Variants in ARHGEF28 observed in about 807,000 individuals in gnomAD.
ARHGEF28 encodes 190 kDa guanine nucleotide exchange factor.
In ARHGEF28, 152 loss-of-function variants were observed where a neutral mutation model predicts 206.6. That is an observed-to-expected ratio of 0.74 (90% CI 0.64 to 0.84). The LOEUF is 0.84. Ranked by LOEUF, ARHGEF28 falls within the 40% of genes least tolerant of loss-of-function variation. ARHGEF28 has a pLI of 0.00. For synonymous variants in ARHGEF28, 763 were observed against 776.4 expected (o/e 0.98, Z 0.29); for missense variants, 2,028 against 2,073.2 (o/e 0.98, Z 0.42).
chr5:73,769,214 A>T lies in ARHGEF28; in HGVS notation c.476-4641A>T, dbSNP rs182421993. 2.2e-4 allele frequency among the ~76,000 whole-genome samples: 33 copies of T among 152,058 alleles called. No individual in the cohort carries two copies. The South Asian group carries it at 3.3e-3, about 15-fold the overall frequency. On this transcript the variant is annotated intron_variant, in intron 4 of 35. Coordinates refer to ENST00000513042, the MANE Select transcript of ARHGEF28 (RefSeq NM_001177693.2). ...GTGTATATATATATGTGTGTGTGTGAGAGAGAGAGGCAGAGGGAGACAGAG... is the reference window on the plus strand; with the variant it reads ...GTGTATATATATATGTGTGTGTGTGTGAGAGAGAGGCAGAGGGAGACAGAG...
intron 6 of ARHGEF28, chr5:73,778,113 A>G (rs574309600): frequency 3.3e-5 from 5 of 151,154 alleles, no homozygotes; most frequent in African/African-American, 1.2e-4. Flanking sequence ...GCCTTCAGCC[A>G]TCACTGTGGT....
intron 14 of ARHGEF28, among the ~76,000 whole-genome samples, chr5:73,853,114 C>T (rs891540503): frequency 3.3e-5 from 5 of 152,188 alleles, no homozygotes; most frequent in South Asian, 4.1e-4. Flanking sequence ...TGCCTAGTAG[C>T]CCTTCAGCTG....
At chr5:73,771,043 G>C (rs1185064303) in intron 4 of ARHGEF28, among the ~76,000 whole-genome samples, 1 of 152,162 alleles carries the variant, frequency 6.6e-6, no homozygotes, top group Non-Finnish European at 1.5e-5. Flanking sequence ...AGGTTCAATG[G>C]TATTTAGGGC....
chr5:73,891,434 A>G (rs1022399807), intron 26 of ARHGEF28, among the ~76,000 whole-genome samples: 1 of 151,862 alleles, frequency 6.6e-6, no homozygotes, highest in Admixed American at 6.6e-5. Context: ...TTCCTATCTC[A>G]TGCTCTCTTA....
intron 2 of ARHGEF28, among the ~76,000 whole-genome samples, chr5:73,691,738 A>G (rs1324307618): frequency 6.6e-6 from 1 of 152,144 alleles, no homozygotes; most frequent in African/African-American, 2.4e-5. Context: ...CTTTGTATAA[A>G]CTCCTATAAG....
In ARHGEF28 at chr5:73,868,218, A is replaced by G. The variant is rs1759838252; in HGVS notation, c.2416A>G (p.Ile806Val). Residue 806 changes from isoleucine (I) to valine (V), a missense_variant, in exon 20 of 36, where the codon ATA becomes GTA. Ile to Val is a conservative substitution (Grantham distance 29). Coordinates refer to ENST00000513042, the MANE Select transcript of ARHGEF28 (RefSeq NM_001177693.2). Reference sequence around the variant, plus strand: ...CTCTTCTCCCTCTACAGAGTCTTTCATAATGGAAGGTGAGGAGAAGACACA... The same window carrying G: ...CTCTTCTCCCTCTACAGAGTCTTTCGTAATGGAAGGTGAGGAGAAGACACA... ...MGSSPSTESF[I>V]MEDVVDSSLW... is the part of the protein sequence containing the mutation. 1.3e-6 allele frequency: 2 copies of G among 1,583,216 alleles called. No individual in the cohort carries two copies. The highest frequency in any genetic ancestry group is 1.7e-6 in the Non-Finnish European group (2 of 1,163,252).
At chr5:73,691,296 TACACAC>T (rs57854737) in intron 2 of ARHGEF28, among the ~76,000 whole-genome samples, 2,825 of 149,760 alleles carry the variant, frequency 0.019, 77 homozygotes, top group African/African-American at 0.065. Flanking sequence ...GGCAAATGTG[TACACAC>T]ACACACACAC....
chr5:73,681,754 G>A (rs937232466), intron 1 of ARHGEF28, among the ~76,000 whole-genome samples: 1 of 152,084 alleles, frequency 6.6e-6, no homozygotes, highest in Non-Finnish European at 1.5e-5. Context: ...GGCAGAGTTT[G>A]CAGTGAGCCA....
At chr5:73,872,849 A>G (rs955926445) in intron 21 of ARHGEF28, 150 bp from the exon 22 acceptor site, 54 of 949,266 alleles carry the variant, frequency 5.7e-5, no homozygotes, top group Non-Finnish European at 7.7e-5. Context: ...GAAATGTTTA[A>G]TGTTGACTTT....
intron 7 of ARHGEF28, among the ~76,000 whole-genome samples, chr5:73,790,707 G>A (rs1035346359): frequency 1.3e-5 from 2 of 151,960 alleles, no homozygotes; most frequent in Non-Finnish European, 2.9e-5. Flanking sequence ...GGAATAACTG[G>A]GATATTGAAA....
intron 2 of ARHGEF28, among the ~76,000 whole-genome samples, chr5:73,697,855 G>A (rs1419564256): frequency 6.6e-6 from 1 of 152,132 alleles, no homozygotes; most frequent in East Asian, 1.9e-4. Flanking sequence ...ACCACACATC[G>A]TTTGGCAGTG....
chr5:73,761,245 T>A (rs1395132896), intron 4 of ARHGEF28, among the ~76,000 whole-genome samples: 1 of 152,232 alleles, frequency 6.6e-6, no homozygotes, highest in Non-Finnish European at 1.5e-5. Flanking sequence ...CCAAGGAATA[T>A]CTTCATAACC....
rs1282842030 is a variant in ARHGEF28 at position 73,922,626 on chromosome 5, C to A, written c.4948+11051C>A. The stretch of plus-strand genomic sequence containing the variant: ...ATTCTTAAAATTATATAAGCCTAAA[C>A]CCTTGGATGTGTGTATATTGTGTTG... On this transcript the variant is annotated intron_variant, in intron 35 of 35. Transcript: ENST00000513042. Among the ~76,000 whole-genome samples the A allele has an allele frequency of 3.3e-5, 5 of 151,958 alleles. No homozygotes were observed. The East Asian group carries it at 9.7e-4, about 29-fold the overall frequency.
At chr5:73,786,392 T>C (rs1268452071) in intron 7 of ARHGEF28, 1 of 152,152 alleles carries the variant, frequency 6.6e-6, no homozygotes, top group Non-Finnish European at 1.5e-5. Context: ...CACTATAGAC[T>C]CCCACTACCC....
intron 2 of ARHGEF28, among the ~76,000 whole-genome samples, chr5:73,735,893 C>T (rs1436559724): frequency 6.6e-6 from 1 of 152,222 alleles, no homozygotes; most frequent in African/African-American, 2.4e-5. Context: ...CTTCCATTCA[C>T]AGCATCCTTT....
At chr5:73,883,972 G>A in intron 24 of ARHGEF28, 88 bp downstream of exon 24, 2 of 661,026 alleles carry the variant, frequency 3.0e-6, no homozygotes, top group Non-Finnish European at 4.6e-6. Context: ...CAGTGTTTGT[G>A]GTCTCTGATT....
intron 35 of ARHGEF28, among the ~76,000 whole-genome samples, chr5:73,926,135 T>C (rs1193025900): frequency 6.6e-6 from 1 of 152,216 alleles, no homozygotes; most frequent in East Asian, 1.9e-4. Flanking sequence ...ATGCTAGACA[T>C]TCAGTGTTTA....
chr5:73,827,339 G>A (rs1343913161), intron 9 of ARHGEF28, among the ~76,000 whole-genome samples: 1 of 152,126 alleles, frequency 6.6e-6, no homozygotes, highest in East Asian at 1.9e-4. Flanking sequence ...TATAGCAGGG[G>A]TTGAAATTAT....
At chr5:73,798,067 A>G (rs1274244763) in intron 9 of ARHGEF28, among the ~76,000 whole-genome samples, 1 of 151,960 alleles carries the variant, frequency 6.6e-6, no homozygotes, top group African/African-American at 2.4e-5. Context: ...TGTTTTATGC[A>G]TTTATTGTTT....
Sources: allele counts gnomAD v4.1 joint callset (sites outside exome capture counted in the v4.1 genomes callset), GRCh38; gene constraint gnomAD v4.1.1; transcripts MANE v1.5; gene names NCBI Gene and HGNC (gene_info 2026-07-23, HGNC 2026-07-21).